The following ANGEL1 variants were observed in gnomAD, a reference collection of about 807,000 sequenced individuals.
ANGEL1 encodes the protein RNA 2',3'-cyclic phosphatase ANGEL1.
ANGEL1 carries 62 observed loss-of-function variants against 76.4 expected under a neutral mutation model. The observed-to-expected ratio is 0.81, with a 90% CI of 0.66 to 1.00. The LOEUF is 1.00. Ranked by LOEUF, ANGEL1 falls within the 50% of genes least tolerant of loss-of-function variation. The pLI is 0.00. For synonymous variants in ANGEL1, 340 were observed against 331.7 expected (o/e 1.03, Z -0.27); for missense variants, 737 against 836.7 (o/e 0.88, Z 1.47).
chr14:76,805,541 G>A (rs1232230327), intron 5 of ANGEL1, among the ~76,000 whole-genome samples: 1 of 152,118 alleles, frequency 6.6e-6, no homozygotes, highest in African/African-American at 2.4e-5. Context: ...AACAGTAGGG[G>A]CAAAATAGAG....
chr14:76,805,024 T>C (rs1034393330), intron 5 of ANGEL1, among the ~76,000 whole-genome samples: 1 of 149,694 alleles, frequency 6.7e-6, no homozygotes, highest in East Asian at 2.0e-4. Context: ...AATAAATAAA[T>C]AAATAAATAA....
chr14:76,788,319 C>T lies in ANGEL1; in HGVS notation c.*909G>A. The T allele has an allele frequency of 6.6e-6, 1 of 152,274 alleles. No individual in the cohort carries two copies. Among genetic ancestry groups the T allele is most frequent in the East Asian group, 1.9e-4 (1 of 5,196 alleles). 9.4% of individuals were successfully genotyped at this position (152,274 alleles called of 1,614,324 possible). ...CAGTGAAACAAGAGTTTCCTGAAGA[C>T]TCTTTCTCCTCCTAATCCTTAAATA... On this transcript the variant is annotated 3_prime_UTR_variant, in exon 10 of 10. Coordinates refer to ENST00000251089, the MANE Select transcript of ANGEL1 (RefSeq NM_015305.4).
intron 5 of ANGEL1, chr14:76,804,284 T>C: frequency 8.0e-7 from 1 of 1,250,178 alleles, no homozygotes; most frequent in Non-Finnish European, 1.0e-6. Flanking sequence ...ATCCTCATCT[T>C]TGGATCTTCT....
Position 76,803,838 on chromosome 14 carries a change from C to T in ANGEL1, c.1455G>A (p.Leu485=). The change falls in exon 6 of 10, where the codon CTG becomes CTA. Residue 485 remains leucine (L), a synonymous_variant. Transcript: ENST00000251089. Reference sequence around the variant, plus strand: ...CATACTGACAGCAATCAGTGATGCCCAGGGAGCTGGGCCACAGTGGGGCCT... The same window carrying T: ...CATACTGACAGCAATCAGTGATGCCTAGGGAGCTGGGCCACAGTGGGGCCT... ...KLQAPLWPSS[L]GITDCCQYVT... 1 of 1,614,192 alleles carries T rather than the reference C, an allele frequency of 6.2e-7. No individual in the cohort carries two copies. Among genetic ancestry groups the T allele is most frequent in the Middle Eastern group, 1.7e-4 (1 of 6,054 alleles).
chr14:76,806,969 G>A (rs1894938480), intron 4 of ANGEL1, 120 bp from the exon 5 acceptor site: 2 of 1,157,530 alleles, frequency 1.7e-6, no homozygotes, highest in Non-Finnish European at 2.4e-6. Flanking sequence ...CTCAGTAAAG[G>A]AGCCTTTGCC....
At chr14:76,794,542 G>A (rs1173179613) in intron 7 of ANGEL1, among the ~76,000 whole-genome samples, 1 of 151,782 alleles carries the variant, frequency 6.6e-6, no homozygotes, top group Non-Finnish European at 1.5e-5. Flanking sequence ...GTGGTGGTGG[G>A]TGCCTGTAAT....
chr14:76,795,427 A>G (rs1894547982), intron 7 of ANGEL1, among the ~76,000 whole-genome samples: 1 of 152,156 alleles, frequency 6.6e-6, no homozygotes, highest in African/African-American at 2.4e-5. Flanking sequence ...TTTTGCATCA[A>G]TATTCACAGG....
intron 7 of ANGEL1, among the ~76,000 whole-genome samples, chr14:76,791,617 G>C (rs575364239): frequency 6.6e-6 from 1 of 151,670 alleles, no homozygotes; most frequent in Non-Finnish European, 1.5e-5. Context: ...TCTTTAATTT[G>C]ATTAAAAAAA....
chr14:76,789,450 A>C lies in ANGEL1; in HGVS notation c.1853-62T>G, dbSNP rs944422119. On this transcript the variant is annotated intron_variant, in intron 9 of 9. Transcript: ENST00000251089. ...CCGCAGCCACACTGCATGGGCAGGC[A>C]GTGGCAGAGTCCTTTGGGAACGCCT... 6.3e-6 allele frequency: 10 copies of C among 1,588,238 alleles called. No individual in the cohort carries two copies. The South Asian group carries it at 8.0e-5, about 13-fold the overall frequency.
At chr14:76,800,788 T>A (rs1457109323) in intron 7 of ANGEL1, among the ~76,000 whole-genome samples, 1 of 152,066 alleles carries the variant, frequency 6.6e-6, no homozygotes, top group African/African-American at 2.4e-5. Context: ...CCGGCCAACA[T>A]GGTGAAACCC....
chr14:76,799,316 C>T (rs1894685496), intron 7 of ANGEL1, among the ~76,000 whole-genome samples: 1 of 60,202 alleles, frequency 1.7e-5, no homozygotes, highest in South Asian at 7.0e-4. Context: ...TTTTTTGAGA[C>T]ACAGTCTTGC....
chr14:76,793,733 G>A (rs1309466847), intron 7 of ANGEL1, among the ~76,000 whole-genome samples: 2 of 151,762 alleles, frequency 1.3e-5, no homozygotes, highest in African/African-American at 2.4e-5. Context: ...GATACATACC[G>A]AGTCCCCCAG....
Position 76,799,278 on chromosome 14 carries a change from C to CTTTTTTTTTTTT in ANGEL1, c.1618+4081_1618+4092dup, listed in dbSNP as rs71122579. ...CTCGTTGTACTCCATTCATGGCCTC[C>CTTTTTTTTTTTT]TTTTTTTTTTTTTTTTTTTTTTTTT... On this transcript the variant is annotated intron_variant, in intron 7 of 9. Coordinates refer to ENST00000251089, the MANE Select transcript of ANGEL1 (RefSeq NM_015305.4). Among the ~76,000 whole-genome samples the CTTTTTTTTTTTT allele has an allele frequency of 1.9e-4, 10 of 52,378 alleles. 4 individuals are homozygous for CTTTTTTTTTTTT. The highest frequency in any genetic ancestry group is 1.9e-4 in the Non-Finnish European group (6 of 31,678). The allele number at this position is 52,378 out of a possible 152,430, so 34.4% of individuals were successfully genotyped here.
In ANGEL1 at chr14:76,809,611, G is replaced by A. The variant is rs1432869737; in HGVS notation, c.97C>T (p.Leu33=). Residue 33 remains leucine (L), a synonymous_variant, in exon 2 of 10, where the codon CTG becomes TTG. Coordinates refer to ENST00000251089, the MANE Select transcript of ANGEL1 (RefSeq NM_015305.4). ...AFFTCRKNVL[L]ANSSSPQVEG... ...ACCTGGGGGGATGAGCTGTTCGCCA[G>A]AAGGACATTTTTTCGACATGTGAAG... 2.5e-6 allele frequency: 4 copies of A among 1,613,338 alleles called. No individual in the cohort carries two copies. The highest frequency in any genetic ancestry group is 1.7e-4 in the Middle Eastern group (1 of 6,056).
At chr14:76,800,223 T>C (rs1472431225) in intron 7 of ANGEL1, among the ~76,000 whole-genome samples, 1 of 152,230 alleles carries the variant, frequency 6.6e-6, no homozygotes, top group Non-Finnish European at 1.5e-5. Context: ...ATTCTTACTA[T>C]GAAATTATCT....
rs1894838662 is a variant in ANGEL1 at position 76,803,911 on chromosome 14, A to G, written c.1382T>C (p.Val461Ala). Residue 461 changes from valine to alanine, a missense_variant and splice_region_variant, in exon 6 of 10, where the codon GTA (valine) becomes GCA (alanine). Val to Ala is a moderately conservative substitution (Grantham distance 64, BLOSUM62 0). Transcript: ENST00000251089. ...LQYHGMPAWK[V>A]SGQEDFSHQL... ...ATGGGAGAAGTCTTCCTGTCCAGAT[A>G]CCTGGGTGGAAAAAGAAGGGTGGGA... 1.2e-6 allele frequency: 2 copies of G among 1,614,214 alleles called. No homozygotes were observed. Among genetic ancestry groups the G allele is most frequent in the East Asian group, 2.2e-5 (1 of 44,886 alleles).
intron 7 of ANGEL1, among the ~76,000 whole-genome samples, chr14:76,791,576 A>G (rs1230185457): frequency 1.3e-5 from 2 of 152,174 alleles, no homozygotes; most frequent in African/African-American, 4.8e-5. Context: ...TAACACAGAC[A>G]TTGTCTTCTG....
intron 7 of ANGEL1, among the ~76,000 whole-genome samples, chr14:76,800,946 C>A (rs1197711719): frequency 6.6e-6 from 1 of 151,312 alleles, no homozygotes; most frequent in Non-Finnish European, 1.5e-5. Flanking sequence ...ACACTCCAGT[C>A]TGGATGACAA....
chr14:76,809,439 C>T lies in ANGEL1; in HGVS notation c.269G>A (p.Ser90Asn). 6.2e-7 allele frequency: 1 copy of T among 1,614,256 alleles called. No individual in the cohort carries two copies. Among genetic ancestry groups the T allele is most frequent in the Non-Finnish European group, 8.5e-7 (1 of 1,180,050 alleles). The change falls in exon 2 of 10, where the codon AGC (serine) becomes AAC (asparagine). Residue 90 changes from serine to asparagine, a missense_variant. This residue lies in a region of ANGEL1 where 441 missense variants were observed against 449.5 expected (regional missense o/e 0.98). Transcript: ENST00000251089. ...AGGATTATCCATCAGAAGTGCCAGG[C>T]TGCTCTGGGCTAGTCCTTTATCTAT... Reference protein sequence around the residue: ...PLIDKGLAQSSLALLMDNPGE... With the variant: ...PLIDKGLAQSNLALLMDNPGE...
Sources: allele counts gnomAD v4.1 joint callset (sites outside exome capture counted in the v4.1 genomes callset), GRCh38; gene constraint gnomAD v4.1.1; regional missense constraint gnomAD v4.1.1; transcripts MANE v1.5; gene names NCBI Gene and HGNC (gene_info 2026-07-23, HGNC 2026-07-21).